The following EDIL3 variants were observed in gnomAD, a reference collection of about 807,000 sequenced individuals.
The protein encoded by EDIL3 is EGF-like repeat and discoidin I-like domain-containing protein 3.
In EDIL3, 37 loss-of-function variants were observed where a neutral mutation model predicts 67.4. That is an observed-to-expected ratio of 0.55 (90% CI 0.42 to 0.72). The LOEUF (loss-of-function observed/expected upper bound fraction) is 0.72. Among genes scored for constraint, EDIL3 ranks in the 30% least tolerant of loss-of-function variants. The pLI is 0.00. For missense variants in EDIL3, 527 were observed against 586.3 expected (o/e 0.90, Z 1.04); for synonymous variants, 195 against 196.3 (o/e 0.99, Z 0.05).
At chr5:84,333,195 T>C (rs1580083606) in intron 1 of EDIL3, among the ~76,000 whole-genome samples, 3 of 152,250 alleles carry the variant, frequency 2.0e-5, no homozygotes, top group Admixed American at 1.3e-4. Flanking sequence ...TACATACATT[T>C]ATAAACCACA....
chr5:83,968,343 T>A (rs1177943694), intron 9 of EDIL3, among the ~76,000 whole-genome samples: 1 of 152,088 alleles, frequency 6.6e-6, no homozygotes, highest in Non-Finnish European at 1.5e-5. Context: ...CATTATTGCA[T>A]TTTCCCCTTT....
intron 9 of EDIL3, among the ~76,000 whole-genome samples, chr5:84,018,206 T>A (rs1745643944): frequency 6.6e-6 from 1 of 152,192 alleles, no homozygotes; most frequent in Admixed American, 6.5e-5. Flanking sequence ...TTGCTTTGCA[T>A]CTTTCTAAAT....
At chr5:84,073,016 A>C (rs911743470) in intron 6 of EDIL3, among the ~76,000 whole-genome samples, 3 of 152,218 alleles carry the variant, frequency 2.0e-5, no homozygotes, top group Non-Finnish European at 4.4e-5. Context: ...ATCTGGGAGA[A>C]GATATCTGCA....
intron 1 of EDIL3, among the ~76,000 whole-genome samples, chr5:84,279,196 T>G (rs1475377991): frequency 6.6e-6 from 1 of 152,174 alleles, no homozygotes; most frequent in East Asian, 1.9e-4. Context: ...TAAAGGTCAT[T>G]AAGTCCAACT....
intron 6 of EDIL3, among the ~76,000 whole-genome samples, chr5:84,067,376 A>G (rs541014977): frequency 6.6e-6 from 1 of 152,264 alleles, no homozygotes; most frequent in African/African-American, 2.4e-5. Context: ...TAATAACTAA[A>G]TCAAATGCTA....
At chr5:84,283,455 T>C (rs1745743784) in intron 1 of EDIL3, among the ~76,000 whole-genome samples, 1 of 152,166 alleles carries the variant, frequency 6.6e-6, no homozygotes, top group African/African-American at 2.4e-5. Context: ...TAAAGTCTTC[T>C]ATTTTTGAAG....
At chr5:84,189,001 C>A (rs342408) in intron 3 of EDIL3, among the ~76,000 whole-genome samples, 96,192 of 151,884 alleles carry the variant, frequency 0.63, 30,976 homozygotes, top group East Asian at 0.76. Context: ...AGCACTATTT[C>A]ACCCGCCTTA....
chr5:84,375,381 C>T (rs750712609), intron 1 of EDIL3, among the ~76,000 whole-genome samples: 3 of 151,678 alleles, frequency 2.0e-5, no homozygotes, highest in Non-Finnish European at 4.4e-5. Context: ...AAAAATAAAC[C>T]ATATTTTGGT....
chr5:84,179,643 T>C (rs1748981703), intron 4 of EDIL3, among the ~76,000 whole-genome samples: 1 of 152,146 alleles, frequency 6.6e-6, no homozygotes, highest in Admixed American at 6.5e-5. Context: ...CTTCCTACTA[T>C]GTGTCATTCC....
intron 3 of EDIL3, among the ~76,000 whole-genome samples, chr5:84,191,860 T>G (rs1350144627): frequency 6.6e-6 from 1 of 152,064 alleles, no homozygotes; most frequent in Non-Finnish European, 1.5e-5. Flanking sequence ...GTAAATACAC[T>G]GAAGTTTCTA....
chr5:84,230,543 G>C (rs1469712498), intron 2 of EDIL3, among the ~76,000 whole-genome samples: 3 of 151,976 alleles, frequency 2.0e-5, no homozygotes, highest in African/African-American at 7.3e-5. Flanking sequence ...GAGTAGCTGG[G>C]ATTACAGGCA....
intron 1 of EDIL3, among the ~76,000 whole-genome samples, chr5:84,311,243 C>T (rs1367795264): frequency 6.6e-6 from 1 of 151,038 alleles, no homozygotes; most frequent in Non-Finnish European, 1.5e-5. Context: ...ATATTAGCTT[C>T]AGAAGATGGT....
chr5:84,246,740 T>C (rs1744915241), intron 2 of EDIL3, among the ~76,000 whole-genome samples: 1 of 151,954 alleles, frequency 6.6e-6, no homozygotes, highest in Non-Finnish European at 1.5e-5. Context: ...ATGTTATACA[T>C]TTTTTTCTTT....
chr5:84,024,251 A>G (rs1376387970), intron 9 of EDIL3, among the ~76,000 whole-genome samples: 1 of 152,176 alleles, frequency 6.6e-6, no homozygotes, highest in Non-Finnish European at 1.5e-5. Flanking sequence ...TTAAATTTCA[A>G]TCACTTTTTA....
intron 9 of EDIL3, among the ~76,000 whole-genome samples, chr5:83,980,769 A>G (rs1744957156): frequency 6.7e-6 from 1 of 150,210 alleles, no homozygotes; most frequent in East Asian, 1.9e-4. Context: ...AAGAAATATT[A>G]GAACTAATAA....
chr5:84,086,482 C>T (rs1482874370), intron 6 of EDIL3, among the ~76,000 whole-genome samples: 1 of 152,114 alleles, frequency 6.6e-6, no homozygotes, highest in African/African-American at 2.4e-5. Flanking sequence ...GTGGGTTGCA[C>T]CCACTGCCTA....
chr5:84,291,753 T>TATCTATATAG (rs1561247587), intron 1 of EDIL3, among the ~76,000 whole-genome samples: 32 of 147,046 alleles, frequency 2.2e-4, no homozygotes, highest in African/African-American at 8.0e-4. Context: ...TAGATATATC[T>TATCTATATAG]ATATATCTAT....
chr5:84,004,796 C>A (rs1745384508), intron 9 of EDIL3, among the ~76,000 whole-genome samples: 1 of 151,960 alleles, frequency 6.6e-6, no homozygotes, highest in African/African-American at 2.4e-5. Context: ...CAAGAGCAAA[C>A]CAACCCCAAA....
At chr5:84,250,936 T>A (rs1745012064) in intron 2 of EDIL3, among the ~76,000 whole-genome samples, 1 of 152,170 alleles carries the variant, frequency 6.6e-6, no homozygotes, top group African/African-American at 2.4e-5. Flanking sequence ...AAATACAGAC[T>A]AGTGACAGCT....
Sources: allele counts gnomAD v4.1 joint callset (sites outside exome capture counted in the v4.1 genomes callset), GRCh38; gene constraint gnomAD v4.1.1; transcripts MANE v1.5; gene names NCBI Gene and HGNC (gene_info 2026-07-23, HGNC 2026-07-21).